The following MGAT4C variants were observed in gnomAD, a reference collection of about 807,000 sequenced individuals.
The protein encoded by MGAT4C is MGAT4 family member C.
Under a neutral mutation model 40.1 loss-of-function variants are expected in MGAT4C, and 19 were observed. That is an observed-to-expected ratio of 0.47 (90% confidence interval 0.33 to 0.70). The LOEUF is 0.70. Ranked by LOEUF, MGAT4C falls within the 30% of genes least tolerant of loss-of-function variation. The pLI is 0.02. For missense variants in MGAT4C, 491 were observed against 563.2 expected, an observed-to-expected ratio of 0.87 and a Z score of 1.30; for synonymous variants, 181 against 187.1, an observed-to-expected ratio of 0.97 and a Z score of 0.27.
At chr12:86,308,012 C>T (rs1276859594) in intron 4 of MGAT4C, among the ~76,000 whole-genome samples, 2 of 150,294 alleles carry the variant, frequency 1.3e-5, no homozygotes, top group Non-Finnish European at 2.9e-5. Flanking sequence ...CATTTGGGTA[C>T]AATTTTTTTG....
chr12:86,525,844 A>C (rs372652750), intron 2 of MGAT4C, among the ~76,000 whole-genome samples: 28 of 152,330 alleles, frequency 1.8e-4, no homozygotes, highest in African/African-American at 6.0e-4. Context: ...AGAGTCTCCT[A>C]GACTGCTGGC....
intron 1 of MGAT4C, among the ~76,000 whole-genome samples, chr12:86,825,025 G>A (rs113286241): frequency 6.6e-6 from 1 of 151,290 alleles, no homozygotes; most frequent in Non-Finnish European, 1.5e-5. Context: ...AGGTCAACAC[G>A]AGTCAATCAA....
intron 2 of MGAT4C, among the ~76,000 whole-genome samples, chr12:86,495,739 C>T (rs1012117701): frequency 1.3e-5 from 2 of 152,050 alleles, no homozygotes; most frequent in Non-Finnish European, 2.9e-5. Context: ...ATTGACCCTC[C>T]ATGTCTTAAA....
chr12:86,564,125 A>C (rs1432305133), intron 2 of MGAT4C, among the ~76,000 whole-genome samples: 2 of 152,176 alleles, frequency 1.3e-5, no homozygotes, highest in Non-Finnish European at 2.9e-5. Context: ...ATCCCCATTC[A>C]ACTCTCCTAT....
At chr12:86,136,839 T>C (rs2135726106) in intron 1 of MGAT4C, among the ~76,000 whole-genome samples, 1 of 151,900 alleles carries the variant, frequency 6.6e-6, no homozygotes, top group South Asian at 2.1e-4. Context: ...AGGCACACAC[T>C]ACCACGCCTG....
At chr12:85,994,326 T>C (rs187801802) in intron 2 of MGAT4C, among the ~76,000 whole-genome samples, 1 of 152,214 alleles carries the variant, frequency 6.6e-6, no homozygotes, top group Non-Finnish European at 1.5e-5. Flanking sequence ...AAAGTTTCCA[T>C]GGTGTATACC....
intron 1 of MGAT4C, among the ~76,000 whole-genome samples, chr12:86,813,531 A>G (rs1952518883): frequency 6.6e-6 from 1 of 152,054 alleles, no homozygotes; most frequent in Non-Finnish European, 1.5e-5. Context: ...TGCAATGTAT[A>G]TGTGTTTCTA....
At chr12:86,061,910 A>G (rs1894015289) in intron 1 of MGAT4C, among the ~76,000 whole-genome samples, 1 of 152,166 alleles carries the variant, frequency 6.6e-6, no homozygotes, top group Non-Finnish European at 1.5e-5. Flanking sequence ...CCTCCCTGGG[A>G]CAGAGCACCT....
chr12:86,191,853 AT>A (rs1889537956), intron 1 of MGAT4C, among the ~76,000 whole-genome samples: 1 of 147,978 alleles, frequency 6.8e-6, no homozygotes, highest in Admixed American at 6.7e-5. Context: ...CCAAATGTCC[AT>A]CAATGATAGA....
intron 2 of MGAT4C, among the ~76,000 whole-genome samples, chr12:86,040,681 C>T (rs930619962): frequency 6.6e-6 from 1 of 152,144 alleles, no homozygotes; most frequent in African/African-American, 2.4e-5. Flanking sequence ...ATGATTCTGT[C>T]TCACTAGCAT....
intron 3 of MGAT4C, among the ~76,000 whole-genome samples, chr12:86,377,320 A>G (rs1402474090): frequency 6.6e-6 from 1 of 152,046 alleles, no homozygotes; most frequent in Non-Finnish European, 1.5e-5. Flanking sequence ...CAGCATCCCA[A>G]AGTGCTGGGA....
intron 3 of MGAT4C, among the ~76,000 whole-genome samples, chr12:86,431,743 G>A (rs944294282): frequency 6.6e-6 from 1 of 152,106 alleles, no homozygotes; most frequent in Non-Finnish European, 1.5e-5. Flanking sequence ...GCTTGCTGCT[G>A]CTTCCCTGCA....
chr12:86,319,120 C>T (rs1954314832), intron 4 of MGAT4C, among the ~76,000 whole-genome samples: 1 of 152,086 alleles, frequency 6.6e-6, no homozygotes, highest in Non-Finnish European at 1.5e-5. Flanking sequence ...AGATAACTAC[C>T]TACTCCTTTC....
At chr12:86,392,225 A>G (rs1565727714) in intron 3 of MGAT4C, among the ~76,000 whole-genome samples, 1 of 152,104 alleles carries the variant, frequency 6.6e-6, no homozygotes, top group Non-Finnish European at 1.5e-5. Context: ...TAATCCCAGC[A>G]CTTTGGGAGA....
At chr12:86,137,763 CT>C (rs1291952670) in intron 1 of MGAT4C, among the ~76,000 whole-genome samples, 4 of 152,122 alleles carry the variant, frequency 2.6e-5, no homozygotes, top group Admixed American at 1.3e-4. Context: ...TTCTAACTTC[CT>C]GCATTTGCAG....
chr12:86,067,052 A>C (rs1894611306), intron 1 of MGAT4C, among the ~76,000 whole-genome samples: 1 of 152,158 alleles, frequency 6.6e-6, no homozygotes, highest in African/African-American at 2.4e-5. Context: ...AAAAAGTCAG[A>C]AAACAATAGA....
chr12:86,207,633 G>C (rs1366330796), intron 1 of MGAT4C, among the ~76,000 whole-genome samples: 4 of 152,008 alleles, frequency 2.6e-5, no homozygotes, highest in African/African-American at 9.7e-5. Flanking sequence ...CACTTATATA[G>C]CATATACTAT....
chr12:86,399,173 T>C (rs1956311363), intron 3 of MGAT4C, among the ~76,000 whole-genome samples: 1 of 151,620 alleles, frequency 6.6e-6, no homozygotes, highest in Non-Finnish European at 1.5e-5. Flanking sequence ...GGTTTCACCA[T>C]GTTGGCCAGG....
chr12:86,604,205 G>T (rs1385044068), intron 2 of MGAT4C, among the ~76,000 whole-genome samples: 5 of 152,060 alleles, frequency 3.3e-5, no homozygotes, highest in Non-Finnish European at 7.4e-5. Context: ...GGCAGCTAAA[G>T]AAACTGCAGA....
Sources: allele counts gnomAD v4.1 joint callset (sites outside exome capture counted in the v4.1 genomes callset), GRCh38; gene constraint gnomAD v4.1.1; transcripts MANE v1.5; gene names NCBI Gene and HGNC (gene_info 2026-07-23, HGNC 2026-07-21).